EYS: variants seen among roughly 807,000 people sequenced by gnomAD.
The protein encoded by EYS is protein eyes shut homolog.
Under a neutral mutation model 282.1 loss-of-function variants are expected in EYS, and 250 were observed. That is an observed-to-expected ratio of 0.89 (90% CI 0.80 to 0.98). EYS has a LOEUF of 0.98. Ranked by LOEUF, EYS falls within the 50% of genes least tolerant of loss-of-function variation. EYS has a pLI of 0.00. For synonymous variants in EYS, 1,355 were observed against 1,282.9 expected, an observed-to-expected ratio of 1.06 and a Z score of -1.20; for missense variants, 4,016 against 3,709.0, an observed-to-expected ratio of 1.08 and a Z score of -2.15.
chr6:64,088,072 A>G (rs1348574526), intron 31 of EYS, among the ~76,000 whole-genome samples: 1 of 152,080 alleles, frequency 6.6e-6, no homozygotes, highest in African/African-American at 2.4e-5. Context: ...TATAAGCAAT[A>G]AACATTTGCT....
At chr6:64,804,415 A>G (rs886643498) in intron 22 of EYS, among the ~76,000 whole-genome samples, 35 of 152,150 alleles carry the variant, frequency 2.3e-4, no homozygotes, top group African/African-American at 8.0e-4. Flanking sequence ...TAAATGGTGA[A>G]CCATTTTTTA....
intron 34 of EYS, among the ~76,000 whole-genome samples, chr6:63,997,214 A>C (rs1483148554): frequency 6.6e-6 from 1 of 152,214 alleles, no homozygotes; most frequent in Non-Finnish European, 1.5e-5. Context: ...AGGAAAAGGC[A>C]GTAGAAAACA....
intron 26 of EYS, among the ~76,000 whole-genome samples, chr6:64,516,338 C>T (rs965258224): frequency 2.3e-4 from 35 of 151,664 alleles, no homozygotes; most frequent in African/African-American, 8.2e-4. Flanking sequence ...GGAAAAGTAA[C>T]TAATGGGTAC....
chr6:64,831,160 CTCTT>C (rs1389775989), intron 19 of EYS, among the ~76,000 whole-genome samples: 1 of 152,022 alleles, frequency 6.6e-6, no homozygotes, highest in Non-Finnish European at 1.5e-5. Context: ...AAATTGCAGT[CTCTT>C]TCTTGGGAAG....
chr6:64,094,354 G>T (rs1562197483), intron 31 of EYS, among the ~76,000 whole-genome samples: 11 of 152,030 alleles, frequency 7.2e-5, no homozygotes. Flanking sequence ...TTGTACCTCT[G>T]GTAGAATTTG....
At chr6:65,096,165 A>T (rs1373950790) in intron 12 of EYS, among the ~76,000 whole-genome samples, 2 of 151,114 alleles carry the variant, frequency 1.3e-5, no homozygotes, top group East Asian at 3.9e-4. Context: ...AATGGTAAGT[A>T]TAAATTACAT....
At chr6:65,681,669 G>C (rs1486080625) in intron 1 of EYS, among the ~76,000 whole-genome samples, 1 of 151,848 alleles carries the variant, frequency 6.6e-6, no homozygotes, top group Non-Finnish European at 1.5e-5. Flanking sequence ...TGGCTTAACA[G>C]GCAGCATAAA....
intron 41 of EYS, among the ~76,000 whole-genome samples, chr6:63,733,520 A>G (rs1005703592): frequency 6.6e-6 from 1 of 151,748 alleles, no homozygotes; most frequent in Non-Finnish European, 1.5e-5. Context: ...GTTCCTACCT[A>G]TAAGTGAGAA....
intron 2 of EYS, among the ~76,000 whole-genome samples, chr6:65,595,724 T>C (rs558394330): frequency 2.8e-4 from 42 of 151,940 alleles, no homozygotes; most frequent in Non-Finnish European, 4.7e-4. Context: ...CAGTCTAGAA[T>C]TGCGACATCA....
At position 64,326,736 on chromosome 6, in the gene EYS, AAGG is replaced by A. The variant is rs1770434940; in HGVS notation, c.6079-19657_6079-19655del. Among the ~76,000 whole-genome samples, 3 of 152,174 alleles carry A rather than the reference AAGG, an allele frequency of 2.0e-5. No homozygotes were observed. In the South Asian group the frequency reaches 6.2e-4, roughly 32 times the overall value. On this transcript the variant is annotated intron_variant, in intron 29 of 42. Transcript: ENST00000503581. ...CACTGCCAGGAGAGTTTCAGCCTGGAAGGAGAATGGCCCTCCTGCATTCTGGAG... is the reference window on the plus strand; with the variant it reads ...CACTGCCAGGAGAGTTTCAGCCTGGAAGAATGGCCCTCCTGCATTCTGGAG...
At chr6:65,533,306 A>G (rs1225135422) in intron 2 of EYS, among the ~76,000 whole-genome samples, 1 of 152,068 alleles carries the variant, frequency 6.6e-6, no homozygotes, top group Non-Finnish European at 1.5e-5. Context: ...CTCTGAATAG[A>G]CCAATAACAG....
chr6:63,839,612 G>C (rs1268191651), intron 36 of EYS, among the ~76,000 whole-genome samples: 1 of 152,232 alleles, frequency 6.6e-6, no homozygotes, highest in African/African-American at 2.4e-5. Context: ...GCCTCCCAAA[G>C]TGCTGACATT....
At chr6:64,842,025 A>T (rs1765577958) in intron 19 of EYS, among the ~76,000 whole-genome samples, 1 of 152,136 alleles carries the variant, frequency 6.6e-6, no homozygotes, top group Non-Finnish European at 1.5e-5. Context: ...AACCTGCTGA[A>T]AACTCACCTT....
At chr6:65,553,965 A>G (rs556661111) in intron 2 of EYS, among the ~76,000 whole-genome samples, 33 of 152,328 alleles carry the variant, frequency 2.2e-4, no homozygotes, top group African/African-American at 7.0e-4. Flanking sequence ...TGAAATTCCA[A>G]CTACCCATGT....
chr6:65,638,130 C>T (rs893010763), intron 2 of EYS, among the ~76,000 whole-genome samples: 1 of 152,268 alleles, frequency 6.6e-6, no homozygotes, highest in Admixed American at 6.5e-5. Context: ...AAACCCTGGA[C>T]TCAGCCAGAC....
At chr6:63,806,033 T>C (rs1416533624) in intron 37 of EYS, among the ~76,000 whole-genome samples, 157 bp downstream of exon 37, 3 of 152,166 alleles carry the variant, frequency 2.0e-5, no homozygotes, top group African/African-American at 7.2e-5. Context: ...GCTAAGTACT[T>C]TGGACTACAG....
intron 9 of EYS, among the ~76,000 whole-genome samples, chr6:65,350,828 C>T (rs207467070): frequency 6.6e-6 from 1 of 151,634 alleles, no homozygotes; most frequent in African/African-American, 2.4e-5. Flanking sequence ...CATCCCTTCT[C>T]TGTAGAGCAA....
chr6:65,706,327 T>C (rs1769877099), intron 1 of EYS, among the ~76,000 whole-genome samples: 1 of 151,950 alleles, frequency 6.6e-6, no homozygotes, highest in Non-Finnish European at 1.5e-5. Flanking sequence ...TAATTACAAA[T>C]AGTTCAACAT....
At chr6:65,689,259 C>G (rs1769148002) in intron 1 of EYS, among the ~76,000 whole-genome samples, 2 of 148,776 alleles carry the variant, frequency 1.3e-5, no homozygotes, top group Admixed American at 6.8e-5. Flanking sequence ...TCATTCTCAG[C>G]AAACTATCGC....
Sources: allele counts gnomAD v4.1 joint callset (sites outside exome capture counted in the v4.1 genomes callset), GRCh38; gene constraint gnomAD v4.1.1; transcripts MANE v1.5; gene names NCBI Gene and HGNC (gene_info 2026-07-23, HGNC 2026-07-21).